Variants in GRIP1 observed in about 807,000 individuals in gnomAD.
GRIP1 encodes glutamate receptor-interacting protein 1.
In GRIP1, 45 loss-of-function variants were observed where a neutral mutation model predicts 129.9. The ratio of observed to expected loss-of-function variants is 0.35; its 90% CI spans 0.27 to 0.44. The LOEUF (loss-of-function observed/expected upper bound fraction) is 0.44, where lower values mean the gene tolerates loss of function less well. GRIP1 is among the 20% of genes least tolerant of loss of function. The probability of loss-of-function intolerance (pLI) is 1.00; values close to 1 mark genes in which losing one functional copy is unlikely to be tolerated. For synonymous variants in GRIP1, 530 were observed against 520.8 expected (o/e 1.02, Z -0.24); for missense variants, 1,196 against 1,396.8 (o/e 0.86, Z 2.29).
intron 1 of GRIP1, among the ~76,000 whole-genome samples, chr12:66,791,479 G>GT: frequency 6.6e-6 from 1 of 152,246 alleles, no homozygotes; most frequent in East Asian, 1.9e-4. Context: ...TGGTTATACA[G>GT]TTTTTTTCTT....
chr12:66,446,439 A>G (rs1178154666), intron 11 of GRIP1, among the ~76,000 whole-genome samples: 1 of 151,960 alleles, frequency 6.6e-6, no homozygotes, highest in Non-Finnish European at 1.5e-5. Flanking sequence ...TGATAACACC[A>G]TATACCTCAT....
At chr12:66,686,166 G>A (rs1044902831) in intron 1 of GRIP1, among the ~76,000 whole-genome samples, 3 of 152,206 alleles carry the variant, frequency 2.0e-5, no homozygotes, top group Non-Finnish European at 4.4e-5. Flanking sequence ...GAAAAGGCAT[G>A]TGTTTTGTGC....
intron 1 of GRIP1, among the ~76,000 whole-genome samples, chr12:66,980,195 A>G (rs1160097865): frequency 1.3e-5 from 2 of 152,228 alleles, no homozygotes; most frequent in African/African-American, 4.8e-5. Flanking sequence ...CTGCCTCTGA[A>G]AAAGTATTTT....
chr12:66,608,933 A>AATTATTATTATTATTATTATT (rs150512388), intron 1 of GRIP1, among the ~76,000 whole-genome samples: 222 of 145,542 alleles, frequency 1.5e-3, no homozygotes, highest in African/African-American at 5.4e-3. Context: ...ACATGAAACA[A>AATTATTATTATTATTATTATT]ATTATTATTA....
At chr12:67,033,067 A>G (rs1425534905) in intron 1 of GRIP1, among the ~76,000 whole-genome samples, 1 of 151,974 alleles carries the variant, frequency 6.6e-6, no homozygotes, top group Non-Finnish European at 1.5e-5. Flanking sequence ...GCTAGTAGCA[A>G]TGGGTATGGG....
At chr12:66,384,561 T>C (rs1168161690) in intron 19 of GRIP1, among the ~76,000 whole-genome samples, 5 of 152,202 alleles carry the variant, frequency 3.3e-5, no homozygotes, top group Admixed American at 3.3e-4. Context: ...CTTTATCCTA[T>C]AACAATAGAT....
intron 1 of GRIP1, among the ~76,000 whole-genome samples, chr12:66,973,176 CTA>C (rs1419252804): frequency 6.6e-6 from 1 of 151,872 alleles, no homozygotes; most frequent in Non-Finnish European, 1.5e-5. Flanking sequence ...TTTTATAAAT[CTA>C]TATGTCATGT....
intron 1 of GRIP1, among the ~76,000 whole-genome samples, chr12:66,737,648 A>T (rs1180566086): frequency 6.6e-6 from 1 of 151,846 alleles, no homozygotes; most frequent in Non-Finnish European, 1.5e-5. Flanking sequence ...CCTCGAACTC[A>T]GTATCTCTTT....
At chr12:66,749,818 G>T (rs2037069000) in intron 1 of GRIP1, among the ~76,000 whole-genome samples, 1 of 152,188 alleles carries the variant, frequency 6.6e-6, no homozygotes, top group Non-Finnish European at 1.5e-5. Flanking sequence ...CCCCGGAGAT[G>T]TCAGAGCAGC....
intron 1 of GRIP1, among the ~76,000 whole-genome samples, chr12:66,715,471 T>TGTGTGTGTGTGTGTGAGAGAGAGAGAGA (rs761155485): frequency 1.8e-5 from 2 of 110,056 alleles, no homozygotes; most frequent in African/African-American, 3.4e-5. Flanking sequence ...TGTGTGTGTG[T>TGTGTGTGTGTGTGTGAGAGAGAGAGAGA]GAGAGAGAGA....
rs1041694736 is a variant in GRIP1, at chr12:66,917,349, A to G, written c.58+151701T>C. Among the ~76,000 whole-genome samples the G allele has an allele frequency of 5.3e-5, 8 of 152,334 alleles. No individual in the cohort carries two copies. The East Asian group carries it at 5.8e-4, about 11-fold the overall frequency. On this transcript the variant is annotated intron_variant, in intron 1 of 1. Coordinates refer to the GRIP1 transcript ENST00000643019. ...AATACAGTCCATCTTACATAGCAAC[A>G]AAGAGTTGTTCTCTACACATTGTGA... is the stretch of plus-strand genomic sequence containing the variant.
chr12:66,364,777 A>C (rs1185704523), intron 23 of GRIP1, among the ~76,000 whole-genome samples: 1 of 152,194 alleles, frequency 6.6e-6, no homozygotes, highest in Non-Finnish European at 1.5e-5. Flanking sequence ...TATTCAGTGA[A>C]GCTAATCAAA....
At chr12:66,364,955 T>C (rs1228464034) in intron 23 of GRIP1, among the ~76,000 whole-genome samples, 1 of 152,212 alleles carries the variant, frequency 6.6e-6, no homozygotes, top group African/African-American at 2.4e-5. Flanking sequence ...GGCGTGTCCA[T>C]AACCTTGGCA....
At chr12:66,983,497 T>A (rs2042267654) in intron 1 of GRIP1, among the ~76,000 whole-genome samples, 2 of 152,268 alleles carry the variant, frequency 1.3e-5, no homozygotes, top group East Asian at 1.9e-4. Context: ...AATATTTTTT[T>A]AAAAAACCCA....
rs1555170056 is a variant in GRIP1 at position 67,066,911 on chromosome 12, T to TACAC, written c.58+2135_58+2138dup. 6.7e-3 allele frequency among the ~76,000 whole-genome samples: 943 copies of TACAC among 140,582 alleles called. 14 individuals carry two copies. Among genetic ancestry groups the TACAC allele is most frequent in the African/African-American group, 0.024 (879 of 37,332 alleles). The allele number at this position is 140,582 out of a possible 152,430, so 92.2% of individuals were successfully genotyped here. A position where few individuals can be genotyped will look rare whatever the true frequency, so the allele number is the denominator to read the frequency against. ...ATTTATATATATATATATATATATA[T>TACAC]ACACACACACACAAACTGAAACACA... On this transcript the variant is annotated intron_variant, in intron 1 of 1. Transcript: ENST00000643019.
At chr12:66,394,063 G>A in intron 17 of GRIP1, 145 bp downstream of exon 17, 1 of 842,816 alleles carries the variant, frequency 1.2e-6, no homozygotes, top group Non-Finnish European at 2.0e-6. Context: ...CTGCCTGAGA[G>A]TTCTCAGGCT....
intron 1 of GRIP1, among the ~76,000 whole-genome samples, chr12:66,618,990 G>A (rs2065156861): frequency 6.6e-6 from 1 of 152,126 alleles, no homozygotes; most frequent in African/African-American, 2.4e-5. Flanking sequence ...TGTTCAGGCA[G>A]ATATGAACCG....
chr12:66,810,380 A>G (rs1380946274), intron 1 of GRIP1, among the ~76,000 whole-genome samples: 1 of 152,130 alleles, frequency 6.6e-6, no homozygotes, highest in African/African-American at 2.4e-5. Context: ...CAACATGGTG[A>G]AACCCCGTCT....
intron 1 of GRIP1, among the ~76,000 whole-genome samples, chr12:66,599,067 G>A (rs1340594962): frequency 1.3e-5 from 2 of 152,172 alleles, no homozygotes; most frequent in East Asian, 3.8e-4. Context: ...TTAGAACTGA[G>A]ATAGTCTAGT....
Sources: gnomAD v4.1 joint callset for allele counts (sites outside exome capture counted in the v4.1 genomes callset) on GRCh38, gnomAD v4.1.1 for gene constraint, MANE v1.5 for transcripts, NCBI Gene and HGNC (gene_info 2026-07-23, HGNC 2026-07-21) for gene names.